Variants in PARVA observed in about 807,000 individuals in gnomAD.
PARVA encodes the protein parvin alpha.
A neutral mutation model predicts 52.6 loss-of-function variants in PARVA; 25 were observed. That is an observed-to-expected ratio of 0.48 (90% CI 0.35 to 0.66). The LOEUF is 0.66. PARVA is among the 30% of genes least tolerant of loss of function. PARVA has a pLI of 0.01. For synonymous variants in PARVA, 185 were observed against 179.1 expected (o/e 1.03, Z -0.26); for missense variants, 373 against 450.9 (o/e 0.83, Z 1.56).
rs1356439665 is a variant in PARVA, at chr11:12,531,461, G to A, written c.*3536G>A. 6.6e-6 allele frequency among the ~76,000 whole-genome samples: 1 copy of A among 152,038 alleles called. No individual in the cohort carries two copies. Among genetic ancestry groups the A allele is most frequent in the Non-Finnish European group, 1.5e-5 (1 of 68,024 alleles). On this transcript the variant is annotated 3_prime_UTR_variant, in exon 13 of 13. Coordinates refer to ENST00000334956, the MANE Select transcript of PARVA (RefSeq NM_018222.5). ...AGACTCTGAGACATGTATACATTGT[G>A]GTTCAAATAGGAATCATCCATAGTC...
chr11:12,376,460 A>C (rs1164875711), upstream of PARVA, among the ~76,000 whole-genome samples: 1 of 152,210 alleles, frequency 6.6e-6, no homozygotes, highest in Non-Finnish European at 1.5e-5. Flanking sequence ...ACGTGGCTAG[A>C]AACAGCCACC....
intron 12 of PARVA, among the ~76,000 whole-genome samples, chr11:12,520,821 G>A (rs1716055552): frequency 6.6e-6 from 1 of 151,996 alleles, no homozygotes; most frequent in Admixed American, 6.6e-5. Context: ...GTGTAGTGGT[G>A]CATGCCTGTG....
intron 1 of PARVA, among the ~76,000 whole-genome samples, chr11:12,411,161 G>A (rs1293015660): frequency 6.6e-6 from 1 of 152,246 alleles, no homozygotes; most frequent in Non-Finnish European, 1.5e-5. Flanking sequence ...TAATTTGGCT[G>A]TTTGGATGAA....
At position 12,518,314 on chromosome 11, in the gene PARVA, C is replaced by T. The variant is rs1048484299; in HGVS notation, c.970-131C>T. The T allele has an allele frequency of 4.4e-6, 3 of 685,056 alleles. No individual in the cohort carries two copies. The African/African-American group carries it at 5.4e-5, about 12-fold the overall frequency. The allele number at this position is 685,056 out of a possible 1,614,324, so 42.4% of individuals were successfully genotyped here. The stretch of plus-strand genomic sequence containing the variant: ...CAGGTGGCCTGCCCATTTTGGTAGC[C>T]ATATTTCTCCTTGAAATTAGTTCAG... On this transcript the variant is annotated intron_variant, in intron 11 of 12. Coordinates refer to ENST00000334956, the MANE Select transcript of PARVA (RefSeq NM_018222.5).
intron 1 of PARVA, among the ~76,000 whole-genome samples, chr11:12,459,877 T>C (rs915076379): frequency 2.4e-4 from 37 of 152,168 alleles, no homozygotes; most frequent in Admixed American, 5.2e-4. Flanking sequence ...TCTTTTATAG[T>C]CAGAAAAAAA....
intron 6 of PARVA, among the ~76,000 whole-genome samples, chr11:12,508,125 A>AAAAAAAAAAC (rs1564865898): frequency 5.0e-5 from 3 of 59,490 alleles, no homozygotes; most frequent in Non-Finnish European, 9.9e-5. Context: ...AAAAAAAACC[A>AAAAAAAAAAC]AAAAAAAAAA....
chr11:12,511,422 T>G, intron 7 of PARVA, 92 bp from the exon 8 acceptor site: 2 of 1,400,146 alleles, frequency 1.4e-6, no homozygotes, highest in South Asian at 1.2e-5. Flanking sequence ...TGGGGTGGGC[T>G]TCCAGCAGTG....
At chr11:12,512,254 C>A (rs376954623) in intron 8 of PARVA, among the ~76,000 whole-genome samples, 1 of 152,196 alleles carries the variant, frequency 6.6e-6, no homozygotes, top group East Asian at 1.9e-4. Context: ...CAAGGACTGT[C>A]CCCTGTCCCC....
chr11:12,526,482 A>G (rs1309658685), intron 12 of PARVA, among the ~76,000 whole-genome samples: 1 of 152,192 alleles, frequency 6.6e-6, no homozygotes, highest in African/African-American at 2.4e-5. Flanking sequence ...TTTATTGTGA[A>G]AAATATCACA....
intron 1 of PARVA, among the ~76,000 whole-genome samples, chr11:12,455,549 G>A (rs529246966): frequency 6.6e-6 from 1 of 152,152 alleles, no homozygotes; most frequent in Admixed American, 6.5e-5. Flanking sequence ...GCCATTGGAA[G>A]CCTCTTTGAT....
chr11:12,376,711 A>G (rs1939394061), upstream of PARVA: 1 of 984,160 alleles, frequency 1.0e-6, no homozygotes, highest in African/African-American at 1.7e-5. Flanking sequence ...AAGGACAAAG[A>G]GCCAGAGTGA....
At chr11:12,420,034 T>C (rs1194079202) in intron 1 of PARVA, among the ~76,000 whole-genome samples, 2 of 152,234 alleles carry the variant, frequency 1.3e-5, no homozygotes, top group East Asian at 3.8e-4. Context: ...TGTTCAGTAA[T>C]GTTCCGAATA....
intron 1 of PARVA, 53 bp from the exon 2 acceptor site, chr11:12,473,692 A>AC: frequency 7.3e-7 from 1 of 1,365,874 alleles, no homozygotes; most frequent in Non-Finnish European, 1.0e-6. Context: ...CAGAGCTCCA[A>AC]CCCCCTGCCG....
chr11:12,425,644 C>T (rs1051102276), intron 1 of PARVA, among the ~76,000 whole-genome samples: 1 of 152,120 alleles, frequency 6.6e-6, no homozygotes, highest in African/African-American at 2.4e-5. Flanking sequence ...TATTCATAGC[C>T]TTGTCATATT....
chr11:12,458,681 C>G (rs1940731878), intron 1 of PARVA, among the ~76,000 whole-genome samples: 1 of 152,214 alleles, frequency 6.6e-6, no homozygotes, highest in Non-Finnish European at 1.5e-5. Context: ...ACCCCACATC[C>G]TACCCCCTCT....
chr11:12,448,955 A>G (rs1414272064), intron 1 of PARVA, among the ~76,000 whole-genome samples: 2 of 152,312 alleles, frequency 1.3e-5, no homozygotes, highest in East Asian at 3.9e-4. Context: ...AACCACTGTG[A>G]GTTGACATTT....
intron 1 of PARVA, among the ~76,000 whole-genome samples, chr11:12,428,859 A>G (rs1035483857): frequency 7.9e-5 from 12 of 152,254 alleles, no homozygotes; most frequent in Non-Finnish European, 1.8e-4. Context: ...ATACAGGGGT[A>G]TCATTTGCTA....
intron 1 of PARVA, among the ~76,000 whole-genome samples, chr11:12,443,292 C>T (rs1940495888): frequency 6.6e-6 from 1 of 151,474 alleles, no homozygotes; most frequent in Non-Finnish European, 1.5e-5. Context: ...TTGCCTCAGC[C>T]TCCTGAGTAG....
intron 1 of PARVA, among the ~76,000 whole-genome samples, chr11:12,399,250 A>G (rs1237427301): frequency 1.3e-5 from 2 of 152,274 alleles, no homozygotes; most frequent in Non-Finnish European, 1.5e-5. Flanking sequence ...TGTAATAGCT[A>G]TAAAGCATTA....
Sources: gnomAD v4.1 joint callset for allele counts (sites outside exome capture counted in the v4.1 genomes callset) on GRCh38, gnomAD v4.1.1 for gene constraint, MANE v1.5 for transcripts, NCBI Gene and HGNC (gene_info 2026-07-23, HGNC 2026-07-21) for gene names.